The following ZNF491 variants were observed in gnomAD, a reference collection of about 807,000 sequenced individuals.
ZNF491 encodes zinc finger protein 491.
ZNF491 carries 22 observed loss-of-function variants against 34.7 expected under a neutral mutation model. The ratio of observed to expected loss-of-function variants is 0.63; its 90% confidence interval spans 0.45 to 0.90. The LOEUF is 0.90. ZNF491 is among the 40% of genes least tolerant of loss of function. The pLI, the probability that ZNF491 is intolerant of heterozygous loss-of-function variation, is 0.00. For missense variants in ZNF491, 559 were observed against 531.7 expected (o/e 1.05, Z -0.51); for synonymous variants, 148 against 174.3 (o/e 0.85, Z 1.19).
rs559298015 is a variant in ZNF491, at chr19:11,807,151, A to G, written c.1198A>G (p.Ile400Val). The change falls in exon 3 of 3, where the codon ATA (isoleucine) becomes GTA (valine). Residue 400 changes from isoleucine (I) to valine (V), a missense_variant. Transcript: ENST00000323169. Reference sequence around the variant, plus strand: ...CTTCACTTGTTCCATATATATTAGAATACATGAAAGAATTCACACTGGAGA... The same window carrying G: ...CTTCACTTGTTCCATATATATTAGAGTACATGAAAGAATTCACACTGGAGA... Reference protein sequence around the residue: ...KAFTCSIYIRIHERIHTGEKP... With the variant: ...KAFTCSIYIRVHERIHTGEKP... 1.2e-6 allele frequency: 2 copies of G among 1,611,132 alleles called. No individual in the cohort carries two copies. The highest frequency in any genetic ancestry group is 1.7e-6 in the Non-Finnish European group (2 of 1,178,928).
At position 11,807,099 on chromosome 19, in the gene ZNF491, T is replaced by A. The variant is rs770885676; in HGVS notation, c.1146T>A (p.Pro382=). The A allele has an allele frequency of 1.9e-6, 3 of 1,608,056 alleles. No individual in the cohort carries two copies. Among genetic ancestry groups the A allele is most frequent in the Non-Finnish European group, 2.5e-6 (3 of 1,178,214 alleles). The change falls in exon 3 of 3, where the codon CCT becomes CCA. Residue 382 remains proline, a synonymous_variant. Transcript: ENST00000323169. ...AAAGGACTCACGCTGGAGAAAAACC[T>A]TATGAATGTAAGCATTGTGGGAAAG... ...RHERTHAGEK[P]YECKHCGKAF... is the part of the protein sequence containing the mutation.
Position 11,808,246 on chromosome 19 carries a change from G to A in ZNF491, c.*979G>A, listed in dbSNP as rs775454130. On this transcript the variant is annotated 3_prime_UTR_variant, in exon 3 of 3. Transcript: ENST00000323169. ...AAAGTACCAAAGTTAGCCGGGTGTGGTGGTGGATACCTGTAATCCCAGCTA... is the reference window on the plus strand; with the variant it reads ...AAAGTACCAAAGTTAGCCGGGTGTGATGGTGGATACCTGTAATCCCAGCTA... Among the ~76,000 whole-genome samples, 1 of 151,986 alleles carries A rather than the reference G, an allele frequency of 6.6e-6. No homozygotes were observed. Among genetic ancestry groups the A allele is most frequent in the Non-Finnish European group, 1.5e-5 (1 of 68,012 alleles).
chr19:11,804,168 A>G (rs1217256167), intron 1 of ZNF491, among the ~76,000 whole-genome samples: 3 of 137,966 alleles, frequency 2.2e-5, no homozygotes. Context: ...GCGCCACTGC[A>G]CTCCAGCCTG....
Position 11,806,116 on chromosome 19 carries a change from A to G in ZNF491, c.163A>G (p.Asn55Asp), listed in dbSNP as rs1568233606. Residue 55 changes from asparagine to aspartate, a missense_variant, in exon 3 of 3, where the codon AAC (asparagine) becomes GAC (aspartate). Coordinates refer to ENST00000323169, the MANE Select transcript of ZNF491 (RefSeq NM_152356.4). ...IFMGYSSFNR[N>D]IRTDTGHQPH... ...CATGGGATATTCATCCTTTAATAGG[A>G]ACATCAGAACTGACACTGGACACCA... 2 of 1,613,744 alleles carry G rather than the reference A, an allele frequency of 1.2e-6. No individual in the cohort carries two copies. Among genetic ancestry groups the G allele is most frequent in the Non-Finnish European group, 1.7e-6 (2 of 1,180,022 alleles).
Position 11,807,416 on chromosome 19 carries a change from G to A in ZNF491, c.*149G>A, listed in dbSNP as rs1434574350. On this transcript the variant is annotated 3_prime_UTR_variant, in exon 3 of 3. Coordinates refer to ENST00000323169, the MANE Select transcript of ZNF491 (RefSeq NM_152356.4). ...ATAAAATGTAGAGATGGAGTTAGGTGATGCCACGCTGGGATTCACTGGTGG... is the reference window on the plus strand; with the variant it reads ...ATAAAATGTAGAGATGGAGTTAGGTAATGCCACGCTGGGATTCACTGGTGG... 3.6e-6 allele frequency: 2 copies of A among 553,168 alleles called. No individual in the cohort carries two copies. Among genetic ancestry groups the A allele is most frequent in the Non-Finnish European group, 6.2e-6 (2 of 325,184 alleles). 34.3% of individuals were successfully genotyped at this position (553,168 alleles called of 1,614,324 possible). A position where few individuals can be genotyped will look rare whatever the true frequency, so the allele number is the denominator to read the frequency against.
At chr19:11,803,810 C>T (rs143839568) in intron 1 of ZNF491, among the ~76,000 whole-genome samples, 2 of 152,144 alleles carry the variant, frequency 1.3e-5, no homozygotes, top group African/African-American at 4.8e-5. Context: ...TATTTTTACC[C>T]CTTTCCATAC....
chr19:11,803,526 A>G (rs1975577321), intron 1 of ZNF491, among the ~76,000 whole-genome samples: 1 of 152,160 alleles, frequency 6.6e-6, no homozygotes, highest in South Asian at 2.1e-4. Context: ...CACTGTATTT[A>G]GTTCTCATGT....
At position 11,806,604 on chromosome 19, in the gene ZNF491, T is replaced by A. The variant is rs767859369; in HGVS notation, c.651T>A (p.Cys217Ter). 14 of 1,614,064 alleles carry A rather than the reference T, an allele frequency of 8.7e-6. No homozygotes were observed. In the East Asian group the frequency reaches 2.9e-4, roughly 33 times the overall value. ...RTHTGEKPYK[C>*]KECGKAFNCP... is the part of the protein sequence containing the mutation. ...ACACAGGAGAGAAGCCGTACAAATGTAAGGAATGTGGGAAAGCCTTCAATT... is the reference window on the plus strand; with the variant it reads ...ACACAGGAGAGAAGCCGTACAAATGAAAGGAATGTGGGAAAGCCTTCAATT... The change falls in exon 3 of 3, where the codon TGT (cysteine) becomes TGA (stop). Residue 217 changes from cysteine to a stop codon, truncating the protein, a stop_gained. Transcript: ENST00000323169. LOFTEE classifies it high-confidence loss of function.
At chr19:11,805,759 A>C (rs1444024317) in intron 2 of ZNF491, among the ~76,000 whole-genome samples, 188 bp from the exon 3 acceptor site, 2 of 151,770 alleles carry the variant, frequency 1.3e-5, no homozygotes, top group Admixed American at 6.6e-5. Context: ...AGGTGGGAGG[A>C]TCACTTGAGC....
Position 11,807,292 on chromosome 19 carries a change from A to AGC in ZNF491, c.*25_*26insGC, listed in dbSNP as rs1975630202. 6.8e-7 allele frequency: 1 copy of AGC among 1,471,956 alleles called. No individual in the cohort carries two copies. The allele number at this position is 1,471,956 out of a possible 1,614,324, so 91.2% of individuals were successfully genotyped here. A position where few individuals can be genotyped will look rare whatever the true frequency, so the allele number is the denominator to read the frequency against. On this transcript the variant is annotated 3_prime_UTR_variant, in exon 3 of 3. Transcript: ENST00000323169. ...AGAGAAATGCTATTTTTTAATTTTT[A>AGC]TTTTAATAGAGACAGGGTCTCACTA... is the stretch of plus-strand genomic sequence containing the variant.
In ZNF491 at chr19:11,806,421, G is replaced by C; in HGVS notation, c.468G>C (p.Glu156Asp). ...YLTHERTHTG[E>D]KRYECKQCGK... ...CCCATGAACGAACTCACACTGGAGA[G>C]AAACGATATGAATGTAAACAATGTG... The change falls in exon 3 of 3, where the codon GAG becomes GAC. Residue 156 changes from glutamate to aspartate, a missense_variant. By Grantham distance (45) the Glu-to-Asp change is conservative (BLOSUM62 2). Coordinates refer to ENST00000323169, the MANE Select transcript of ZNF491 (RefSeq NM_152356.4). The C allele has an allele frequency of 1.2e-6, 2 of 1,613,332 alleles. No individual in the cohort carries two copies. The highest frequency in any genetic ancestry group is 1.7e-6 in the Non-Finnish European group (2 of 1,179,690).
chr19:11,804,239 C>T (rs1346345896), intron 1 of ZNF491, among the ~76,000 whole-genome samples: 1 of 150,022 alleles, frequency 6.7e-6, no homozygotes, highest in East Asian at 2.0e-4. Context: ...AAGATCAAGG[C>T]ACTGGCAGGT....
Position 11,806,078 on chromosome 19 carries a change from G to A in ZNF491, c.125G>A (p.Cys42Tyr). The change falls in exon 3 of 3, where the codon TGT becomes TAT. Residue 42 changes from cysteine to tyrosine, a missense_variant. Physicochemically the swap from Cys to Tyr is radical, Grantham distance 194. Transcript: ENST00000323169. ...GTAAAATCATGTGAAAGTGGTACATGTGGAGAAATCTTCATGGGATATTCA... is the reference window on the plus strand; with the variant it reads ...GTAAAATCATGTGAAAGTGGTACATATGGAGAAATCTTCATGGGATATTCA... ...PGVKSCESGTCGEIFMGYSSF... is the reference protein window; with the variant it reads ...PGVKSCESGTYGEIFMGYSSF... The A allele has an allele frequency of 6.2e-7, 1 of 1,613,968 alleles. No individual in the cohort carries two copies. Among genetic ancestry groups the A allele is most frequent in the Non-Finnish European group, 8.5e-7 (1 of 1,180,016 alleles).
At chr19:11,801,172 T>C (rs1381162522) in intron 1 of ZNF491, among the ~76,000 whole-genome samples, 6 of 152,140 alleles carry the variant, frequency 3.9e-5, no homozygotes, top group Admixed American at 2.6e-4. Context: ...ACCCCGTCTC[T>C]ATTAAATAAA....
chr19:11,798,894 G>T lies in ZNF491; in HGVS notation c.-134+167G>T, dbSNP rs957347939. Among the ~76,000 whole-genome samples, 1 of 152,194 alleles carries T rather than the reference G, an allele frequency of 6.6e-6. No individual in the cohort carries two copies. Among genetic ancestry groups the T allele is most frequent in the Non-Finnish European group, 1.5e-5 (1 of 68,030 alleles). On this transcript the variant is annotated intron_variant, in intron 1 of 2. Coordinates refer to ENST00000323169, the MANE Select transcript of ZNF491 (RefSeq NM_152356.4). The surrounding 1 kb of genome is among the most constrained non-coding windows in gnomAD (Gnocchi z 4.0). ...TCGGTCCGCTCGGCCGCCAGGTGGGGCTGGGCCCGCAGCTGGGACCCCGGG... is the reference window on the plus strand; with the variant it reads ...TCGGTCCGCTCGGCCGCCAGGTGGGTCTGGGCCCGCAGCTGGGACCCCGGG...
At chr19:11,800,626 T>C (rs1316389531) in intron 1 of ZNF491, among the ~76,000 whole-genome samples, 2 of 151,614 alleles carry the variant, frequency 1.3e-5, no homozygotes, top group Non-Finnish European at 2.9e-5. Context: ...GTTCAAGCGA[T>C]TCCCCTGCCT....
Position 11,806,508 on chromosome 19 carries a change from G to A in ZNF491, c.555G>A (p.Lys185=). The change falls in exon 3 of 3, where the codon AAG becomes AAA. Residue 185 remains lysine (K), a synonymous_variant. Coordinates refer to ENST00000323169, the MANE Select transcript of ZNF491 (RefSeq NM_152356.4). ...ATGAAAGAACTCACACTGGGGAGAA[G>A]CCATATGAATGTAAGGAGTGTGGGA... ...RIHERTHTGE[K]PYECKECGKS... is the part of the protein sequence containing the mutation. 1 of 1,613,790 alleles carries A rather than the reference G, an allele frequency of 6.2e-7. No individual in the cohort carries two copies.
chr19:11,802,740 T>C (rs1186295872), intron 1 of ZNF491, among the ~76,000 whole-genome samples: 2 of 152,232 alleles, frequency 1.3e-5, no homozygotes, highest in Admixed American at 6.5e-5. Context: ...TGGATTTGCC[T>C]GTGCTGTTTG....
rs755304579 is a variant in ZNF491 at position 11,806,500 on chromosome 19, G to A, written c.547G>A (p.Gly183Arg). ...SVRIHERTHT[G>R]EKPYECKECG... is the part of the protein sequence containing the mutation. ...TCGAATCCATGAAAGAACTCACACT[G>A]GGGAGAAGCCATATGAATGTAAGGA... The change falls in exon 3 of 3, where the codon GGG (glycine) becomes AGG (arginine). Residue 183 changes from glycine (G) to arginine (R), a missense_variant. Gly to Arg is a moderately radical substitution (Grantham distance 125). Transcript: ENST00000323169. 1 of 1,614,022 alleles carries A rather than the reference G, an allele frequency of 6.2e-7. No individual in the cohort carries two copies. Among genetic ancestry groups the A allele is most frequent in the Admixed American group, 1.7e-5 (1 of 60,004 alleles).
Sources: allele counts gnomAD v4.1 joint callset (sites outside exome capture counted in the v4.1 genomes callset), GRCh38; gene constraint gnomAD v4.1.1; non-coding constraint Gnocchi (gnomAD v3.1); transcripts MANE v1.5; gene names NCBI Gene and HGNC (gene_info 2026-07-23, HGNC 2026-07-21).